The following BRD10 variants were observed in gnomAD, a reference collection of about 807,000 sequenced individuals.
BRD10 encodes bromodomain containing 10.
chr9:5,992,266 T>C, the BRD10 span, among the ~76,000 whole-genome samples: 5 of 152,210 alleles, frequency 3.3e-5, no homozygotes, highest in Non-Finnish European at 7.3e-5. Context: ...CTGTGCCCTA[T>C]ATATCTATAT....
chr9:5,898,646 T>G, the BRD10 span, among the ~76,000 whole-genome samples: 2 of 152,304 alleles, frequency 1.3e-5, no homozygotes, highest in Admixed American at 6.5e-5. Flanking sequence ...GGTTCCCTTA[T>G]AGCAAACAGG....
At chr9:6,004,304 C>T in the BRD10 span, among the ~76,000 whole-genome samples, 1,347 of 152,314 alleles carry the variant, frequency 8.8e-3, 11 homozygotes, top group Non-Finnish European at 0.014. Context: ...CTACAAACCA[C>T]TTAAGGGCAG....
chr9:5,973,848 C>T, the BRD10 span, among the ~76,000 whole-genome samples: 2 of 152,184 alleles, frequency 1.3e-5, no homozygotes, highest in African/African-American at 4.8e-5. Flanking sequence ...TGCCATGGCA[C>T]TCTAGCCTGG....
chr9:5,888,996 A>C, the BRD10 span, among the ~76,000 whole-genome samples: 1 of 152,198 alleles, frequency 6.6e-6, no homozygotes, highest in Non-Finnish European at 1.5e-5. Context: ...GCTCCAAAGC[A>C]CTTCCCAAAG....
chr9:5,936,760 T>G, the BRD10 span, among the ~76,000 whole-genome samples: 4 of 152,320 alleles, frequency 2.6e-5, no homozygotes, highest in East Asian at 5.8e-4. Context: ...AAACTAAGAA[T>G]GATGTAAAGC....
chr9:5,966,456 T>TTA, the BRD10 span, among the ~76,000 whole-genome samples: 2 of 1,390 alleles, frequency 1.4e-3, no homozygotes, highest in African/African-American at 5.2e-3. Context: ...TAACATTTCC[T>TTA]TTTTTTTTTT....
the BRD10 span, among the ~76,000 whole-genome samples, chr9:5,996,337 G>A: frequency 6.6e-6 from 1 of 151,402 alleles, no homozygotes; most frequent in Non-Finnish European, 1.5e-5. Flanking sequence ...TGTTGTTTTT[G>A]AGACAACGTC....
the BRD10 span, chr9:5,919,627 T>G: frequency 1.4e-6 from 2 of 1,471,728 alleles, no homozygotes; most frequent in Non-Finnish European, 1.8e-6. Flanking sequence ...ATTGAAAATT[T>G]TTATGGGAGT....
the BRD10 span, among the ~76,000 whole-genome samples, chr9:5,962,658 A>G: frequency 1.2e-5 from 1 of 84,104 alleles, no homozygotes; most frequent in Admixed American, 1.4e-4. Context: ...AAAAATCCTG[A>G]ATAAAATACT....
the BRD10 span, among the ~76,000 whole-genome samples, chr9:6,002,756 A>C: frequency 2.0e-5 from 3 of 150,622 alleles, no homozygotes; most frequent in African/African-American, 7.3e-5. Flanking sequence ...GGCTCACCGC[A>C]ATCTCCATCT....
the BRD10 span, among the ~76,000 whole-genome samples, chr9:5,989,235 TAAAAAAA>T: frequency 2.8e-4 from 13 of 46,184 alleles, no homozygotes; most frequent in East Asian, 2.3e-3. Flanking sequence ...TCTGTCTCAT[TAAAAAAA>T]AAAAAAAAAA....
At chr9:5,882,814 G>C in the BRD10 span, among the ~76,000 whole-genome samples, 1 of 152,042 alleles carries the variant, frequency 6.6e-6, no homozygotes, top group Non-Finnish European at 1.5e-5. Flanking sequence ...ATACACCATG[G>C]AATACTATGC....
the BRD10 span, among the ~76,000 whole-genome samples, chr9:5,935,607 T>G: frequency 6.6e-6 from 1 of 152,220 alleles, no homozygotes; most frequent in Non-Finnish European, 1.5e-5. Flanking sequence ...TTTTAACAGA[T>G]CCATATATGC....
the BRD10 span, among the ~76,000 whole-genome samples, chr9:5,905,164 T>A: frequency 2.1e-4 from 32 of 152,340 alleles, no homozygotes; most frequent in African/African-American, 7.7e-4. Context: ...AATAACACTA[T>A]ACCATTTCAT....
the BRD10 span, chr9:5,924,757 C>T: frequency 1.2e-6 from 2 of 1,606,870 alleles, no homozygotes; most frequent in East Asian, 4.5e-5. Flanking sequence ...AGATCTCCTT[C>T]ACCTTCATCA....
At chr9:5,972,477 A>G in the BRD10 span, among the ~76,000 whole-genome samples, 1 of 152,230 alleles carries the variant, frequency 6.6e-6, no homozygotes, top group African/African-American at 2.4e-5. Flanking sequence ...CTGAAAGCGC[A>G]GCCCAGTTAC....
chr9:6,008,244 C>T, the BRD10 span: 4 of 982,360 alleles, frequency 4.1e-6, no homozygotes, highest in Non-Finnish European at 4.8e-6. Flanking sequence ...GGCTCCGGCT[C>T]CTCCTCTCCC....
chr9:5,919,983 A>C, the BRD10 span: 1 of 1,613,980 alleles, frequency 6.2e-7, no homozygotes, highest in Non-Finnish European at 8.5e-7. Flanking sequence ...TTAATTACTG[A>C]AGTCAGTGAT....
chr9:5,897,719 G>A, the BRD10 span: 11 of 1,340,242 alleles, frequency 8.2e-6, 1 homozygote, highest in Non-Finnish European at 5.4e-6. Context: ...TCTTTCCTCT[G>A]AATCTCTGGA....
Sources: allele counts gnomAD v4.1 joint callset (sites outside exome capture counted in the v4.1 genomes callset), GRCh38; gene constraint gnomAD v4.1.1; transcripts MANE v1.5; gene names NCBI Gene and HGNC (gene_info 2026-07-23, HGNC 2026-07-21).